MAN2A1: variants seen among roughly 807,000 people sequenced by gnomAD.
MAN2A1 encodes mannosidase alpha class 2A member 1, also known as alpha-mannosidase 2.
Under a neutral mutation model 142.6 loss-of-function variants are expected in MAN2A1, and 76 were observed. That is an observed-to-expected ratio of 0.53 (90% CI 0.44 to 0.65). The LOEUF is 0.65. Among genes scored for constraint, MAN2A1 ranks in the 30% least tolerant of loss-of-function variants. The pLI is 0.00. For missense variants in MAN2A1, 1,311 were observed against 1,365.1 expected, an observed-to-expected ratio of 0.96 and a Z score of 0.62; for synonymous variants, 559 against 473.2, an observed-to-expected ratio of 1.18 and a Z score of -2.35.
intron 4 of MAN2A1, among the ~76,000 whole-genome samples, chr5:109,744,032 A>G (rs1246573215): frequency 1.3e-5 from 2 of 151,516 alleles, no homozygotes; most frequent in African/African-American, 4.9e-5. Context: ...TTGGATTTTT[A>G]TTTTTTTCCT....
At chr5:109,795,820 T>TC (rs1753842624) in intron 12 of MAN2A1, among the ~76,000 whole-genome samples, 1 of 152,178 alleles carries the variant, frequency 6.6e-6, no homozygotes, top group Admixed American at 6.6e-5. Flanking sequence ...TTCTTTTTTT[T>TC]CTCTTCTTCC....
At chr5:109,775,886 A>G (rs73785027) in intron 8 of MAN2A1, among the ~76,000 whole-genome samples, 11,613 of 152,126 alleles carry the variant, frequency 0.076, 515 homozygotes, top group African/African-American at 0.13. Flanking sequence ...CATATATTGC[A>G]TTTGATCAAG....
chr5:109,854,281 CA>C (rs1755552846), intron 19 of MAN2A1: 1 of 152,150 alleles, frequency 6.6e-6, no homozygotes, highest in African/African-American at 2.4e-5. Flanking sequence ...AGATTCTACT[CA>C]GTCATTGATT....
intron 6 of MAN2A1, among the ~76,000 whole-genome samples, chr5:109,768,371 A>G (rs1290082452): frequency 6.6e-6 from 1 of 151,992 alleles, no homozygotes; most frequent in African/African-American, 2.4e-5. Flanking sequence ...TCTGCTTTAT[A>G]TTCATTCTCA....
chr5:109,738,284 T>G (rs1378970225), intron 4 of MAN2A1, among the ~76,000 whole-genome samples: 1 of 151,648 alleles, frequency 6.6e-6, no homozygotes, highest in Non-Finnish European at 1.5e-5. Context: ...GGCTTCTGTA[T>G]TAGCTCATTC....
chr5:109,804,546 G>A (rs1181452846), intron 12 of MAN2A1, among the ~76,000 whole-genome samples: 3 of 152,084 alleles, frequency 2.0e-5, no homozygotes, highest in Non-Finnish European at 4.4e-5. Flanking sequence ...TTCACTGTGA[G>A]TGATGTTTTC....
intron 7 of MAN2A1, among the ~76,000 whole-genome samples, chr5:109,772,339 A>C (rs1753170296): frequency 6.6e-6 from 1 of 152,256 alleles, no homozygotes; most frequent in African/African-American, 2.4e-5. Flanking sequence ...ACTGCACTCC[A>C]GCCTGGGTGA....
chr5:109,733,909 A>C (rs910031526), intron 4 of MAN2A1, among the ~76,000 whole-genome samples: 1 of 151,750 alleles, frequency 6.6e-6, no homozygotes, highest in Non-Finnish European at 1.5e-5. Context: ...CTCTTTTTCT[A>C]TTGATTGGAA....
At chr5:109,708,247 C>T (rs769249409) in intron 1 of MAN2A1, among the ~76,000 whole-genome samples, 2 of 151,904 alleles carry the variant, frequency 1.3e-5, no homozygotes, top group East Asian at 1.9e-4. Flanking sequence ...CCTGAGATGA[C>T]GGATAAGGTA....
chr5:109,772,267 G>A (rs1224898094), intron 7 of MAN2A1, among the ~76,000 whole-genome samples: 2 of 152,132 alleles, frequency 1.3e-5, no homozygotes, highest in Non-Finnish European at 1.5e-5. Flanking sequence ...TACTCAGGAG[G>A]CTGAGGTAGG....
At chr5:109,865,215 G>T (rs1336285611) in intron 21 of MAN2A1, 69 bp downstream of exon 21, 1 of 1,096,094 alleles carries the variant, frequency 9.1e-7, no homozygotes, top group Non-Finnish European at 1.4e-6. Context: ...AAAGGATCTT[G>T]ACAATAAGAT....
intron 12 of MAN2A1, among the ~76,000 whole-genome samples, chr5:109,816,877 T>C (rs1466185093): frequency 6.6e-6 from 1 of 152,214 alleles, no homozygotes; most frequent in African/African-American, 2.4e-5. Flanking sequence ...TTACCCTTTG[T>C]ACTGTGTGAT....
chr5:109,832,490 G>A (rs1303522231), intron 16 of MAN2A1, among the ~76,000 whole-genome samples: 2 of 151,906 alleles, frequency 1.3e-5, no homozygotes, highest in African/African-American at 2.4e-5. Flanking sequence ...AGGGGTTGGG[G>A]GTAAGGCCAT....
In MAN2A1 at chr5:109,817,329, A is replaced by G. The variant is rs148320614; in HGVS notation, c.2000A>G (p.Tyr667Cys). The G allele has an allele frequency of 2.0e-5, 32 of 1,614,150 alleles. No homozygotes were observed. Among genetic ancestry groups the G allele is most frequent in the African/African-American group, 1.3e-4 (10 of 75,050 alleles). ...EQDRISLVSV[Y>C]VSSPTVQVFS... ...GACCGAATCTCGTTGGTCTCAGTCT[A>G]TGTGAGTTCCCCGACAGTGCAAGTG... Residue 667 changes from tyrosine to cysteine, a missense_variant, in exon 13 of 22, where the codon TAT becomes TGT. Tyr to Cys is a radical substitution (Grantham distance 194). Around this residue, in one of 3 missense-constraint regions of MAN2A1, gnomAD observed 890 missense variants for 920.5 expected, o/e 0.97. Coordinates refer to ENST00000261483, the MANE Select transcript of MAN2A1 (RefSeq NM_002372.4).
At chr5:109,781,348 T>C in intron 8 of MAN2A1, 48 bp from the exon 9 acceptor site, 1 of 1,140,322 alleles carries the variant, frequency 8.8e-7, no homozygotes, top group Non-Finnish European at 1.2e-6. Flanking sequence ...AAGAAGTAAA[T>C]AATTTTAAGA....
At chr5:109,836,326 A>C (rs1417019203) in intron 16 of MAN2A1, among the ~76,000 whole-genome samples, 1 of 151,718 alleles carries the variant, frequency 6.6e-6, no homozygotes, top group Non-Finnish European at 1.5e-5. Flanking sequence ...TATGTTGGGC[A>C]GGCTGGTCTC....
chr5:109,697,281 T>G (rs1750841783), intron 1 of MAN2A1, among the ~76,000 whole-genome samples: 1 of 152,232 alleles, frequency 6.6e-6, no homozygotes, highest in Non-Finnish European at 1.5e-5. Flanking sequence ...TACAACATTT[T>G]AAATATCTTC....
chr5:109,710,454 C>T (rs775131645), intron 1 of MAN2A1, among the ~76,000 whole-genome samples: 1 of 151,706 alleles, frequency 6.6e-6, no homozygotes, highest in Non-Finnish European at 1.5e-5. Flanking sequence ...AATGTGGGCA[C>T]TCATGTATTA....
intron 4 of MAN2A1, among the ~76,000 whole-genome samples, chr5:109,737,514 G>A (rs1049681005): frequency 2.0e-5 from 3 of 151,854 alleles, no homozygotes; most frequent in African/African-American, 4.8e-5. Flanking sequence ...TTGAAAAGGT[G>A]GGGTTTGTAG....
Sources: gnomAD v4.1 joint callset for allele counts (sites outside exome capture counted in the v4.1 genomes callset) on GRCh38, gnomAD v4.1.1 for gene constraint, gnomAD v4.1.1 regional missense constraint, MANE v1.5 for transcripts, NCBI Gene and HGNC (gene_info 2026-07-23, HGNC 2026-07-21) for gene names.